The following BTRC variants were observed in gnomAD, a reference collection of about 807,000 sequenced individuals.
BTRC encodes the protein beta-transducin repeat containing E3 ubiquitin protein ligase, also known as F-box/WD repeat-containing protein 1A.
Under a neutral mutation model 85.5 loss-of-function variants are expected in BTRC, and 42 were observed. The ratio of observed to expected loss-of-function variants is 0.49; its 90% CI spans 0.38 to 0.64. The LOEUF is 0.64. BTRC is among the 30% of genes least tolerant of loss of function. The pLI is 0.00. For missense variants in BTRC, 594 were observed against 743.5 expected, an observed-to-expected ratio of 0.80 and a Z score of 2.34; for synonymous variants, 255 against 263.3, an observed-to-expected ratio of 0.97 and a Z score of 0.30.
intron 1 of BTRC, among the ~76,000 whole-genome samples, chr10:101,426,620 CAG>C (rs1231241700): frequency 6.6e-6 from 1 of 152,098 alleles, no homozygotes; most frequent in Non-Finnish European, 1.5e-5. Context: ...TAAGTAAACT[CAG>C]ATAATTTATC....
chr10:101,536,525 C>T lies in BTRC; in HGVS notation c.1467-18C>T. ...AAAGAATACGTGAAAATTCACCTGA[C>T]TTAATTTTCTCTTCCAGATTATGGG... On this transcript the variant is annotated intron_variant, in intron 11 of 14. Transcript: ENST00000370187. 1 of 1,574,788 alleles carries T rather than the reference C, an allele frequency of 6.4e-7. No individual in the cohort carries two copies. The highest frequency in any genetic ancestry group is 8.7e-7 in the Non-Finnish European group (1 of 1,144,574).
intron 5 of BTRC, among the ~76,000 whole-genome samples, chr10:101,522,390 A>AAAC: frequency 9.2e-6 from 1 of 108,876 alleles, no homozygotes; most frequent in Non-Finnish European, 1.9e-5. Context: ...AAAAAAAAAA[A>AAAC]CTCTAGAAAT....
At chr10:101,499,888 G>A (rs1946359816) in intron 4 of BTRC, among the ~76,000 whole-genome samples, 3 of 151,934 alleles carry the variant, frequency 2.0e-5, no homozygotes, top group Admixed American at 2.0e-4. Flanking sequence ...TAGCTAGTAT[G>A]CCACCTTGGT....
Position 101,479,360 on chromosome 10 carries a change from C to T in BTRC, c.235-8C>T, listed in dbSNP as rs762265700. The T allele has an allele frequency of 1.2e-6, 2 of 1,607,854 alleles. No individual in the cohort carries two copies. Among genetic ancestry groups the T allele is most frequent in the Admixed American group, 1.7e-5 (1 of 59,840 alleles). On this transcript the variant is annotated splice_polypyrimidine_tract_variant and splice_region_variant and intron_variant, in intron 3 of 14. Transcript: ENST00000370187. ...TAAAAACCTGTTTCCAACAAATTCT[C>T]TTTACAGACATACAACAGCTGTGCC...
At chr10:101,519,504 C>T (rs2062071506) in intron 4 of BTRC, among the ~76,000 whole-genome samples, 1 of 152,146 alleles carries the variant, frequency 6.6e-6, no homozygotes, top group Non-Finnish European at 1.5e-5. Flanking sequence ...ACATTCCTTG[C>T]CAGCTGTCCC....
At chr10:101,448,813 AT>A (rs999864631) in intron 2 of BTRC, among the ~76,000 whole-genome samples, 148 of 150,056 alleles carry the variant, frequency 9.9e-4, no homozygotes, top group South Asian at 3.8e-3. Context: ...ATGGTGTATA[AT>A]TTTTTTTTTC....
chr10:101,505,617 C>T (rs965184184), intron 4 of BTRC, among the ~76,000 whole-genome samples: 6 of 134,584 alleles, frequency 4.5e-5, no homozygotes, highest in Non-Finnish European at 1.0e-4. Context: ...GAGACTCCGT[C>T]TCAAAAAAAT....
At position 101,526,600 on chromosome 10, in the gene BTRC, C is replaced by T. The variant is rs1386006250; in HGVS notation, c.743+401C>T. ...TTTGAGACCAGCCTGGCCAACGTGG[C>T]GAAACCCCAACTCTACTAAAAATAC... On this transcript the variant is annotated intron_variant, in intron 6 of 14. Coordinates refer to ENST00000370187, the MANE Select transcript of BTRC (RefSeq NM_033637.4). 8.5e-5 allele frequency among the ~76,000 whole-genome samples: 13 copies of T among 152,130 alleles called. 1 individual carries two copies. In the East Asian group the frequency reaches 1.9e-3, roughly 23 times the overall value.
chr10:101,524,781 C>T (rs973307643), intron 5 of BTRC, among the ~76,000 whole-genome samples: 4 of 152,102 alleles, frequency 2.6e-5, no homozygotes, highest in Non-Finnish European at 4.4e-5. Flanking sequence ...TGTTCATGTT[C>T]CTTTAATAAG....
At chr10:101,399,545 C>T (rs953789695) in intron 1 of BTRC, among the ~76,000 whole-genome samples, 1 of 152,082 alleles carries the variant, frequency 6.6e-6, no homozygotes, top group African/African-American at 2.4e-5. Flanking sequence ...ATTCCGTGTG[C>T]CTAGCTGTTG....
intron 3 of BTRC, among the ~76,000 whole-genome samples, chr10:101,469,496 T>A (rs1945465729): frequency 6.6e-6 from 1 of 152,086 alleles, no homozygotes; most frequent in Non-Finnish European, 1.5e-5. Context: ...GAAAAGAGGG[T>A]AATTTTGAAG....
chr10:101,370,546 A>G (rs375325999), intron 1 of BTRC, among the ~76,000 whole-genome samples: 114 of 152,150 alleles, frequency 7.5e-4, no homozygotes, highest in South Asian at 4.6e-3. Flanking sequence ...AAGATTTTCA[A>G]TTTTTAAATT....
rs758960137 is a variant in BTRC at position 101,534,799 on chromosome 10, C to A, written c.1236C>A (p.Ser412=). 1.2e-5 allele frequency: 20 copies of A among 1,614,036 alleles called. No individual in the cohort carries two copies. Among genetic ancestry groups the A allele is most frequent in the Non-Finnish European group, 1.7e-5 (20 of 1,180,032 alleles). The change falls in exon 10 of 15, where the codon TCC becomes TCA. Residue 412 remains serine (S), a synonymous_variant. Transcript: ENST00000370187. Reference sequence around the variant, plus strand: ...CCATTGCTGTATGGGATATGGCCTCCCCAACTGACATTACCCTCCGGAGGG... The same window carrying A: ...CCATTGCTGTATGGGATATGGCCTCACCAACTGACATTACCCTCCGGAGGG... ...DRSIAVWDMA[S]PTDITLRRVL...
At chr10:101,424,833 A>G (rs1245207509) in intron 1 of BTRC, among the ~76,000 whole-genome samples, 1 of 152,148 alleles carries the variant, frequency 6.6e-6, no homozygotes, top group East Asian at 1.9e-4. Context: ...AAATTGGGGT[A>G]TATGTGCAGG....
rs2062296405 is a variant in BTRC at position 101,532,296 on chromosome 10, C to G, written c.842C>G (p.Thr281Arg). The change falls in exon 8 of 15, where the codon ACA becomes AGA. Residue 281 changes from threonine (T) to arginine (R), a missense_variant and splice_region_variant. Physicochemically the swap from Thr to Arg is moderately conservative, Grantham distance 71. Coordinates refer to ENST00000370187, the MANE Select transcript of BTRC (RefSeq NM_033637.4). ...CTCTTTCCCATTCCTTCTTCTCAGA[C>G]AATAGAATCTAATTGGAGATGTGGA... ...LYPKIIQDIETIESNWRCGRH... is the reference protein window; with the variant it reads ...LYPKIIQDIERIESNWRCGRH... 1 of 1,609,138 alleles carries G rather than the reference C, an allele frequency of 6.2e-7. No individual in the cohort carries two copies. The highest frequency in any genetic ancestry group is 1.3e-5 in the African/African-American group (1 of 74,646).
At chr10:101,492,665 CCTTT>C (rs1328160418) in intron 4 of BTRC, among the ~76,000 whole-genome samples, 1 of 151,954 alleles carries the variant, frequency 6.6e-6, no homozygotes, top group Non-Finnish European at 1.5e-5. Context: ...TTTCTTTAAC[CCTTT>C]CTTTAGATAA....
intron 6 of BTRC, 90 bp downstream of exon 6, chr10:101,526,289 C>A: frequency 9.0e-7 from 1 of 1,114,866 alleles, no homozygotes; most frequent in South Asian, 1.7e-5. Flanking sequence ...AATGAGACCA[C>A]TTCTCATTTA....
intron 6 of BTRC, among the ~76,000 whole-genome samples, chr10:101,527,062 T>C (rs2062203321): frequency 1.3e-5 from 2 of 152,210 alleles, no homozygotes; most frequent in Non-Finnish European, 2.9e-5. Flanking sequence ...AGCTACGTAG[T>C]AATAGTTCAC....
At chr10:101,490,679 ATCTTCCTCC>A (rs1227263944) in intron 4 of BTRC, among the ~76,000 whole-genome samples, 1 of 152,060 alleles carries the variant, frequency 6.6e-6, no homozygotes, top group African/African-American at 2.4e-5. Context: ...TTATTTTCTC[ATCTTCCTCC>A]TCTTCCTACC....
Sources: gnomAD v4.1 joint callset for allele counts (sites outside exome capture counted in the v4.1 genomes callset) on GRCh38, gnomAD v4.1.1 for gene constraint, MANE v1.5 for transcripts, NCBI Gene and HGNC (gene_info 2026-07-23, HGNC 2026-07-21) for gene names.